FUT8: variants seen among roughly 807,000 people sequenced by gnomAD.
The protein encoded by FUT8 is alpha-(1,6)-fucosyltransferase.
FUT8 carries 29 observed loss-of-function variants against 71.3 expected under a neutral mutation model. That is an observed-to-expected ratio of 0.41 (90% CI 0.30 to 0.55). The LOEUF is 0.55. Ranked by LOEUF, FUT8 falls within the 20% of genes least tolerant of loss-of-function variation. The pLI is 0.34. For synonymous variants in FUT8, 254 were observed against 239.3 expected, an observed-to-expected ratio of 1.06 and a Z score of -0.57; for missense variants, 544 against 702.1, an observed-to-expected ratio of 0.77 and a Z score of 2.55.
At chr14:65,663,681 C>T (rs1281998561) in intron 6 of FUT8, among the ~76,000 whole-genome samples, 1 of 152,072 alleles carries the variant, frequency 6.6e-6, no homozygotes, top group East Asian at 1.9e-4. Flanking sequence ...GATTTTCCCT[C>T]TTTCTTTATG....
In FUT8 at chr14:65,733,759, G is replaced by A. The variant is rs555761790; in HGVS notation, c.1410+378G>A. Among the ~76,000 whole-genome samples the A allele has an allele frequency of 7.9e-5, 12 of 152,148 alleles. No homozygotes were observed. In the East Asian group the frequency reaches 1.9e-3, roughly 24 times the overall value. ...AATCCATCCATTTCTACACATCATC[G>A]CACTGATACTGAGAGGCTTAAATGC... On this transcript the variant is annotated intron_variant, in intron 10 of 10. Transcript: ENST00000673929.
At chr14:65,453,485 T>C (rs1324913477) in intron 1 of FUT8, among the ~76,000 whole-genome samples, 1 of 152,250 alleles carries the variant, frequency 6.6e-6, no homozygotes, top group Admixed American at 6.5e-5. Context: ...TTTTCCATTC[T>C]GGCTGTTGGT....
At chr14:65,642,948 C>CA (rs1890909368) in intron 6 of FUT8, among the ~76,000 whole-genome samples, 1 of 152,156 alleles carries the variant, frequency 6.6e-6, no homozygotes, top group Non-Finnish European at 1.5e-5. Flanking sequence ...TATAGATACA[C>CA]TTACTTCTTC....
At chr14:65,587,797 G>A (rs985145857) in intron 3 of FUT8, among the ~76,000 whole-genome samples, 35 of 152,166 alleles carry the variant, frequency 2.3e-4, no homozygotes, top group African/African-American at 7.7e-4. Context: ...TAGTTGTGTG[G>A]TTGGTAGTCA....
the FUT8 span, among the ~76,000 whole-genome samples, chr14:65,361,381 A>C: frequency 3.3e-5 from 5 of 151,080 alleles, no homozygotes; most frequent in Admixed American, 6.6e-5. Context: ...AAGCTCTATA[A>C]ATGTAAGGAT....
At position 65,472,747 on chromosome 14, in the gene FUT8, G is replaced by A. The variant is rs193201886; in HGVS notation, c.-228+17029G>A. Among the ~76,000 whole-genome samples the A allele has an allele frequency of 2.4e-4, 36 of 152,148 alleles. No individual in the cohort carries two copies. Among genetic ancestry groups the A allele is most frequent in the Non-Finnish European group, 4.3e-4 (29 of 67,994 alleles). On this transcript the variant is annotated intron_variant, in intron 2 of 10. Coordinates refer to ENST00000673929, the MANE Select transcript of FUT8 (RefSeq NM_001371533.1). This position sits in a 1 kb window ranked among gnomAD's most constrained non-coding sequence, Gnocchi z 4.4. ...TCATTTACATTGAATTTCTTAATTA[G>A]TAGATTGCCCACTAATTATTTTTAT...
intron 3 of FUT8, among the ~76,000 whole-genome samples, chr14:65,585,099 C>G (rs567709739): frequency 6.6e-6 from 1 of 152,250 alleles, no homozygotes; most frequent in Non-Finnish European, 1.5e-5. Context: ...TGCTCCTGCA[C>G]GCTTTCATGG....
intron 1 of FUT8, among the ~76,000 whole-genome samples, chr14:65,425,077 C>A (rs2065361924): frequency 6.6e-6 from 1 of 152,076 alleles, no homozygotes; most frequent in Non-Finnish European, 1.5e-5. Context: ...TATGAGTGGA[C>A]CCTCAAAATT....
chr14:65,692,400 C>A (rs1396215472), intron 7 of FUT8, among the ~76,000 whole-genome samples: 7 of 127,626 alleles, frequency 5.5e-5, no homozygotes, highest in African/African-American at 1.5e-4. Context: ...GCTGGCCGGG[C>A]GGGGGGCTGA....
At position 65,483,997 on chromosome 14, in the gene FUT8, G is replaced by T. The variant is rs1369182722; in HGVS notation, c.-228+28279G>T. Among the ~76,000 whole-genome samples, 1 of 152,172 alleles carries T rather than the reference G, an allele frequency of 6.6e-6. No homozygotes were observed. Among genetic ancestry groups the T allele is most frequent in the African/African-American group, 2.4e-5 (1 of 41,446 alleles). Reference sequence around the variant, plus strand: ...CCTCCTCGGCCTCCCAAAGTGCTGGGATTAAAGGCGTGAGCCACCACACCC... The same window carrying T: ...CCTCCTCGGCCTCCCAAAGTGCTGGTATTAAAGGCGTGAGCCACCACACCC... On this transcript the variant is annotated intron_variant, in intron 2 of 10. Coordinates refer to ENST00000673929, the MANE Select transcript of FUT8 (RefSeq NM_001371533.1). This position sits in a 1 kb window ranked among gnomAD's most constrained non-coding sequence, Gnocchi z 4.4.
chr14:65,446,370 A>G (rs1032025145), intron 1 of FUT8, among the ~76,000 whole-genome samples: 1 of 152,206 alleles, frequency 6.6e-6, no homozygotes, highest in Non-Finnish European at 1.5e-5. Context: ...GGCAATAGGA[A>G]GTGTGTCATC....
chr14:65,564,398 T>A (rs1190663945), intron 3 of FUT8, among the ~76,000 whole-genome samples: 1 of 152,048 alleles, frequency 6.6e-6, no homozygotes, highest in East Asian at 1.9e-4. Flanking sequence ...AACAAATCTT[T>A]CGGCTAGAAT....
At chr14:65,446,974 A>G (rs946165306) in intron 1 of FUT8, among the ~76,000 whole-genome samples, 14 of 152,066 alleles carry the variant, frequency 9.2e-5, no homozygotes, top group African/African-American at 3.4e-4. Context: ...CGACTCTGCT[A>G]TTGTTTCTTT....
intron 2 of FUT8, among the ~76,000 whole-genome samples, chr14:65,556,331 C>T (rs1359297296): frequency 6.6e-6 from 1 of 152,148 alleles, no homozygotes; most frequent in East Asian, 1.9e-4. Flanking sequence ...TGGTGCATTT[C>T]TAAGCTTGCT....
At chr14:65,616,412 A>G in intron 5 of FUT8, 39 bp downstream of exon 5, 2 of 1,480,540 alleles carry the variant, frequency 1.4e-6, no homozygotes, top group Non-Finnish European at 1.8e-6. Flanking sequence ...GGCTTTAGAA[A>G]AGATTATAAT....
At chr14:65,473,012 G>A (rs556692951) in intron 2 of FUT8, among the ~76,000 whole-genome samples, 1 of 152,150 alleles carries the variant, frequency 6.6e-6, no homozygotes, top group East Asian at 1.9e-4. Context: ...ATTATTGAAT[G>A]TAAAAGAATT....
chr14:65,714,235 T>C (rs984347274), intron 7 of FUT8, among the ~76,000 whole-genome samples: 2 of 152,170 alleles, frequency 1.3e-5, no homozygotes, highest in Admixed American at 1.3e-4. Flanking sequence ...TATGTGTCTT[T>C]TTCTATGCTA....
In FUT8 at chr14:65,603,914, C is replaced by CAT. The variant is rs1888436265; in HGVS notation, c.204-12063_204-12062dup. Among the ~76,000 whole-genome samples, 1 of 151,712 alleles carries CAT rather than the reference C, an allele frequency of 6.6e-6. No homozygotes were observed. The highest frequency in any genetic ancestry group is 2.4e-5 in the African/African-American group (1 of 41,360). On this transcript the variant is annotated intron_variant, in intron 3 of 10. Transcript: ENST00000673929. This position sits in a 1 kb window ranked among gnomAD's most constrained non-coding sequence, Gnocchi z 4.5. ...CTTAAGGTACAGGGGTGGAAAAAGACATTTCATGCAAATGGACACCCAAAG... is the reference window on the plus strand; with the variant it reads ...CTTAAGGTACAGGGGTGGAAAAAGACATATTTCATGCAAATGGACACCCAAAG...
At chr14:65,667,264 C>T (rs1892263891) in intron 6 of FUT8, among the ~76,000 whole-genome samples, 1 of 152,018 alleles carries the variant, frequency 6.6e-6, no homozygotes, top group Non-Finnish European at 1.5e-5. Context: ...GATCCTAAAC[C>T]TAGAAAATCC....
Sources: gnomAD v4.1 joint callset for allele counts (sites outside exome capture counted in the v4.1 genomes callset) on GRCh38, gnomAD v4.1.1 for gene constraint, Gnocchi (gnomAD v3.1) non-coding constraint, MANE v1.5 for transcripts, NCBI Gene and HGNC (gene_info 2026-07-23, HGNC 2026-07-21) for gene names.